Variants in GLB1 observed in about 807,000 individuals in gnomAD.
GLB1 encodes the protein beta-galactosidase.
In GLB1, 56 loss-of-function variants were observed where a neutral mutation model predicts 74.0. The observed-to-expected ratio is 0.76, with a 90% CI of 0.61 to 0.94. GLB1 has a LOEUF of 0.94. Ranked by LOEUF, GLB1 falls within the 40% of genes least tolerant of loss-of-function variation. The probability of loss-of-function intolerance (pLI) is 0.00; values close to 1 mark genes in which losing one functional copy is unlikely to be tolerated. For missense variants in GLB1, 787 were observed against 845.5 expected (o/e 0.93, Z 0.86); for synonymous variants, 323 against 323.6 (o/e 1.00, Z 0.02).
intron 10 of GLB1, among the ~76,000 whole-genome samples, chr3:33,035,472 T>G (rs1342134790): frequency 2.0e-5 from 3 of 152,200 alleles, no homozygotes; most frequent in African/African-American, 4.8e-5. Flanking sequence ...ATTTAATCTT[T>G]TTGTTATGGA....
At chr3:32,991,132 C>G in the GLB1 span, among the ~76,000 whole-genome samples, 2 of 152,188 alleles carry the variant, frequency 1.3e-5, no homozygotes, top group Non-Finnish European at 2.9e-5. Context: ...CCCATCATCT[C>G]ATACCTCCAT....
chr3:33,069,038 G>A (rs532426095), intron 2 of GLB1, 68 bp from the exon 3 acceptor site: 1 of 1,613,154 alleles, frequency 6.2e-7, no homozygotes, highest in East Asian at 2.2e-5. Context: ...CGTGGGGAAA[G>A]GGCCTCATTA....
At chr3:33,033,333 AT>A (rs1237525373) in intron 10 of GLB1, among the ~76,000 whole-genome samples, 1 of 152,210 alleles carries the variant, frequency 6.6e-6, no homozygotes, top group Non-Finnish European at 1.5e-5. Context: ...TTTATATAAT[AT>A]TATCAGTAAT....
rs1015663884 is a variant in GLB1 at position 33,018,394 on chromosome 3, T to G, written c.1347+54A>C. On this transcript the variant is annotated intron_variant, in intron 13 of 15. Transcript: ENST00000307363. The stretch of plus-strand genomic sequence containing the variant: ...AAATGCTGTGTTAACAAGTGCAGGC[T>G]GCTCATCCCCACCCTCACTGGGACA... 3 of 1,524,098 alleles carry G rather than the reference T, an allele frequency of 2.0e-6. No individual in the cohort carries two copies. In the Admixed American group the frequency reaches 5.3e-5, roughly 27 times the overall value. The allele number at this position is 1,524,098 out of a possible 1,614,324, so 94.4% of individuals were successfully genotyped here. A position where few individuals can be genotyped will look rare whatever the true frequency, so the allele number is the denominator to read the frequency against.
Position 33,093,861 on chromosome 3 carries a change from T to C in GLB1, c.75+3150A>G, listed in dbSNP as rs765750730. 3.7e-6 allele frequency: 6 copies of C among 1,613,716 alleles called. No homozygotes were observed. The highest frequency in any genetic ancestry group is 3.3e-5 in the Admixed American group (2 of 59,948). On this transcript the variant is annotated intron_variant, in intron 1 of 15. Transcript: ENST00000307363. The surrounding 1 kb of genome is among the most constrained non-coding windows in gnomAD (Gnocchi z 6.0). ...GGAGTAGGCCGCCAAGGAAAAGAGA[T>C]AGGGCTCTTCGGCCACTAAAAAGAA...
chr3:33,088,973 C>T (rs1038975628), intron 1 of GLB1, among the ~76,000 whole-genome samples: 1 of 152,138 alleles, frequency 6.6e-6, no homozygotes, highest in African/African-American at 2.4e-5. Flanking sequence ...AAGAAACAAA[C>T]TCTTGTGTAT....
chr3:32,987,464 A>G, the GLB1 span, among the ~76,000 whole-genome samples: 5 of 152,188 alleles, frequency 3.3e-5, no homozygotes, highest in Admixed American at 2.0e-4. Context: ...TCCCCTCTGT[A>G]AACCACGTGC....
At chr3:33,077,476 A>G in intron 1 of GLB1, 1 of 724,566 alleles carries the variant, frequency 1.4e-6, no homozygotes. Context: ...AACAGCAGTC[A>G]GGGGGTGTCT....
At chr3:32,986,362 G>T in the GLB1 span, among the ~76,000 whole-genome samples, 3 of 152,180 alleles carry the variant, frequency 2.0e-5, no homozygotes, top group Non-Finnish European at 4.4e-5. Context: ...ACTAAGGTTT[G>T]GGTGTTGCTT....
At chr3:32,983,507 A>T in the GLB1 span, among the ~76,000 whole-genome samples, 1 of 152,028 alleles carries the variant, frequency 6.6e-6, no homozygotes, top group Non-Finnish European at 1.5e-5. Flanking sequence ...AGATATTTTC[A>T]AGGTTGTTTT....
At chr3:33,077,473 G>A in intron 1 of GLB1, 2 of 720,504 alleles carry the variant, frequency 2.8e-6, no homozygotes, top group East Asian at 7.0e-5. Flanking sequence ...TCCAACAGCA[G>A]TCAGGGGGTG....
In GLB1 at chr3:33,093,186, A is replaced by G. The variant is rs763355544; in HGVS notation, c.75+3825T>C. On this transcript the variant is annotated intron_variant, in intron 1 of 15. Transcript: ENST00000307363. The surrounding 1 kb of genome is among the most constrained non-coding windows in gnomAD (Gnocchi z 6.0). The stretch of plus-strand genomic sequence containing the variant: ...AGAGTAGTGCAGGATGTCTGCTTCA[A>G]TATCGTCCACCCCAGCCAAGCAGAT... 1.9e-6 allele frequency: 3 copies of G among 1,614,028 alleles called. No individual in the cohort carries two copies. Among genetic ancestry groups the G allele is most frequent in the Admixed American group, 3.3e-5 (2 of 60,008 alleles).
chr3:33,069,016 A>T (rs965363879), intron 2 of GLB1, 46 bp from the exon 3 acceptor site: 1 of 1,613,932 alleles, frequency 6.2e-7, no homozygotes, highest in Non-Finnish European at 8.5e-7. Context: ...GGCAGAGTCA[A>T]GAAGAAAGAA....
intron 14 of GLB1, among the ~76,000 whole-genome samples, chr3:33,015,121 G>A (rs901433349): frequency 2.0e-5 from 3 of 152,130 alleles, no homozygotes; most frequent in Non-Finnish European, 4.4e-5. Flanking sequence ...GTGCCACTGC[G>A]CTCCAGGCTG....
At chr3:32,999,198 C>G (rs557191311) in intron 15 of GLB1, among the ~76,000 whole-genome samples, 113 of 152,298 alleles carry the variant, frequency 7.4e-4, no homozygotes, top group African/African-American at 2.6e-3. Context: ...CTATTTCACT[C>G]TTGTTTTTAC....
intron 5 of GLB1, among the ~76,000 whole-genome samples, chr3:33,063,192 CA>C (rs925794948): frequency 9.9e-5 from 15 of 150,952 alleles, no homozygotes; most frequent in Non-Finnish European, 1.9e-4. Flanking sequence ...AAGAATGAAG[CA>C]AAAAAAGCCA....
intron 15 of GLB1, among the ~76,000 whole-genome samples, chr3:33,008,432 G>A (rs1696873790): frequency 6.6e-6 from 1 of 152,214 alleles, no homozygotes; most frequent in African/African-American, 2.4e-5. Flanking sequence ...CACTGGGCAG[G>A]AAATGAGGTT....
chr3:32,992,401 C>T (rs557124040), downstream of GLB1, among the ~76,000 whole-genome samples: 1 of 152,244 alleles, frequency 6.6e-6, no homozygotes, highest in South Asian at 2.1e-4. Flanking sequence ...CCCTCTTGTC[C>T]CCCAGGTTTC....
At chr3:33,081,827 G>T (rs900586924) in intron 1 of GLB1, among the ~76,000 whole-genome samples, 1 of 152,226 alleles carries the variant, frequency 6.6e-6, no homozygotes, top group Admixed American at 6.5e-5. Context: ...GGGGTGAGTT[G>T]GCCAGGCAAT....
Sources: allele counts gnomAD v4.1 joint callset (sites outside exome capture counted in the v4.1 genomes callset), GRCh38; gene constraint gnomAD v4.1.1; non-coding constraint Gnocchi (gnomAD v3.1); transcripts MANE v1.5; gene names NCBI Gene and HGNC (gene_info 2026-07-23, HGNC 2026-07-21).